ZCCHC2: variants seen among roughly 807,000 people sequenced by gnomAD.
The protein encoded by ZCCHC2 is zinc finger CCHC domain-containing protein 2.
A neutral mutation model predicts 103.6 loss-of-function variants in ZCCHC2; 39 were observed. The observed-to-expected ratio is 0.38, with a 90% CI of 0.29 to 0.49. ZCCHC2 has a LOEUF of 0.49. Ranked by LOEUF, ZCCHC2 falls within the 20% of genes least tolerant of loss-of-function variation. The probability of loss-of-function intolerance (pLI) is 0.96; values close to 1 mark genes in which losing one functional copy is unlikely to be tolerated. For synonymous variants in ZCCHC2, 687 were observed against 608.9 expected (o/e 1.13, Z -1.89); for missense variants, 1,483 against 1,491.0 (o/e 0.99, Z 0.09).
chr18:62,533,853 C>G (rs901050169), intron 1 of ZCCHC2, among the ~76,000 whole-genome samples: 3 of 72,922 alleles, frequency 4.1e-5, no homozygotes, highest in African/African-American at 1.8e-4. Context: ...GCCTGGGCAA[C>G]AAGAGCAAAA....
At chr18:62,529,844 G>T (rs1351489715) in intron 1 of ZCCHC2, among the ~76,000 whole-genome samples, 1 of 152,136 alleles carries the variant, frequency 6.6e-6, no homozygotes, top group African/African-American at 2.4e-5. Context: ...TACATCCGGG[G>T]ATTCAACCAA....
chr18:62,533,173 A>G (rs1248490708), intron 1 of ZCCHC2, among the ~76,000 whole-genome samples: 1 of 152,202 alleles, frequency 6.6e-6, no homozygotes, highest in Non-Finnish European at 1.5e-5. Context: ...TCAGTGTTGT[A>G]TATATCATCA....
chr18:62,542,692 A>T (rs1178303046), intron 3 of ZCCHC2, 118 bp downstream of exon 3: 1 of 861,552 alleles, frequency 1.2e-6, no homozygotes, highest in Non-Finnish European at 1.8e-6. Context: ...TTTAATTAAG[A>T]GAATGTACTG....
At chr18:62,564,375 T>C (rs1163352453) in intron 9 of ZCCHC2, among the ~76,000 whole-genome samples, 196 bp from the exon 10 acceptor site, 2 of 152,144 alleles carry the variant, frequency 1.3e-5, no homozygotes, top group Non-Finnish European at 2.9e-5. Context: ...ACTGTATTAA[T>C]CATGAGGAAA....
chr18:62,570,013 TA>T (rs1916529558), intron 11 of ZCCHC2, 89 bp from the exon 12 acceptor site: 9 of 1,313,480 alleles, frequency 6.9e-6, no homozygotes, highest in Non-Finnish European at 9.2e-6. Context: ...CTGAAGAAAA[TA>T]TAGCTAAAAT....
At position 62,577,370 on chromosome 18, in the gene ZCCHC2, C is replaced by A. The variant is rs1916890859; in HGVS notation, c.*791C>A. On this transcript the variant is annotated 3_prime_UTR_variant, in exon 14 of 14. Transcript: ENST00000269499. ...TTTTTAGCCTGTTGCTTCAGAGAGA[C>A]ACAAAGTGAACACACTGGTGTGAAT... The A allele has an allele frequency of 2.0e-5, 3 of 152,184 alleles. No individual in the cohort carries two copies. Among genetic ancestry groups the A allele is most frequent in the Admixed American group, 6.5e-5 (1 of 15,280 alleles). 9.4% of individuals were successfully genotyped at this position (152,184 alleles called of 1,614,324 possible).
At chr18:62,528,696 G>C (rs1286892007) in intron 1 of ZCCHC2, among the ~76,000 whole-genome samples, 1 of 152,090 alleles carries the variant, frequency 6.6e-6, no homozygotes, top group African/African-American at 2.4e-5. Flanking sequence ...CGCAATATAG[G>C]AAACATACTG....
At position 62,574,333 on chromosome 18, in the gene ZCCHC2, T is replaced by C. The variant is rs770208198; in HGVS notation, c.2252T>C (p.Leu751Pro). 6 of 1,613,946 alleles carry C rather than the reference T, an allele frequency of 3.7e-6. No homozygotes were observed. The highest frequency in any genetic ancestry group is 4.5e-5 in the East Asian group (2 of 44,906). ...KPADGKTIGM[L>P]VPSPVAISAI... ...GCTGATGGCAAAACCATAGGGATGCTTGTTCCTAGTCCTGTTGCTATTTCT... is the reference window on the plus strand; with the variant it reads ...GCTGATGGCAAAACCATAGGGATGCCTGTTCCTAGTCCTGTTGCTATTTCT... Residue 751 changes from leucine to proline, a missense_variant, in exon 13 of 14, where the codon CTT (leucine) becomes CCT (proline). Coordinates refer to ENST00000269499, the MANE Select transcript of ZCCHC2 (RefSeq NM_017742.6).
chr18:62,549,535 A>G (rs1387069711), intron 4 of ZCCHC2, among the ~76,000 whole-genome samples: 1 of 152,250 alleles, frequency 6.6e-6, no homozygotes, highest in African/African-American at 2.4e-5. Flanking sequence ...GATATTGTTA[A>G]TGGTTCTACT....
Position 62,523,822 on chromosome 18 carries a change from G to A in ZCCHC2, c.398G>A (p.Cys133Tyr). 1 of 1,544,498 alleles carries A rather than the reference G, an allele frequency of 6.5e-7. No homozygotes were observed. Among genetic ancestry groups the A allele is most frequent in the South Asian group, 1.2e-5 (1 of 83,942 alleles). Residue 133 changes from cysteine to tyrosine, a missense_variant, in exon 1 of 14, where the codon TGC (cysteine) becomes TAC (tyrosine). By Grantham distance (194) the Cys-to-Tyr change is radical. Around this residue, in one of 3 missense-constraint regions of ZCCHC2, gnomAD observed 568 missense variants for 525.1 expected, o/e 1.08. Transcript: ENST00000269499. The part of the protein sequence containing the change: ...NPLELRFLGS[C>Y]LEDLARKDYH... ...CTGGAGCTGCGCTTCCTTGGCTCGT[G>A]CCTGGAGGACCTGGCGCGCAAGGAC...
rs1180628797 is a variant in ZCCHC2, at chr18:62,574,598, G to A, written c.2517G>A (p.Leu839=). 3 of 1,613,960 alleles carry A rather than the reference G, an allele frequency of 1.9e-6. No homozygotes were observed. In the East Asian group the frequency reaches 6.7e-5, roughly 36 times the overall value. The change falls in exon 13 of 14, where the codon CTG becomes CTA. Residue 839 remains leucine (L), a synonymous_variant. Transcript: ENST00000269499. ...VNIPQQPPGS[L]SIASPNTAFI... ...TCCCACAACAACCACCCGGAAGCCT[G>A]AGCATCGCATCACCAAACACTGCCT...
intron 1 of ZCCHC2, among the ~76,000 whole-genome samples, chr18:62,538,253 C>T: frequency 1.1e-5 from 1 of 91,858 alleles, no homozygotes; most frequent in Non-Finnish European, 2.1e-5. Context: ...AGAGAGAGAC[C>T]CTGTCTCAAA....
intron 2 of ZCCHC2, among the ~76,000 whole-genome samples, chr18:62,541,734 T>G (rs2145497227): frequency 6.6e-6 from 1 of 152,338 alleles, no homozygotes; most frequent in Non-Finnish European, 1.5e-5. Flanking sequence ...GTAGATTGGC[T>G]CTTTTGAAAT....
intron 4 of ZCCHC2, among the ~76,000 whole-genome samples, chr18:62,545,123 C>T (rs1915356906): frequency 1.3e-5 from 2 of 152,074 alleles, no homozygotes; most frequent in South Asian, 4.1e-4. Context: ...CGGTGGTGTG[C>T]ACCTGTGATC....
chr18:62,553,156 ATGTGTGTG>A (rs142422088), intron 5 of ZCCHC2, among the ~76,000 whole-genome samples: 9,015 of 139,790 alleles, frequency 0.064, 351 homozygotes, highest in South Asian at 0.093. Context: ...CCTTAGATTT[ATGTGTGTG>A]TGTGTGTGTG....
chr18:62,543,776 T>C (rs1915300841), intron 3 of ZCCHC2, among the ~76,000 whole-genome samples: 1 of 152,222 alleles, frequency 6.6e-6, no homozygotes, highest in Admixed American at 6.5e-5. Context: ...AATTCTTATA[T>C]ATTCACTTGG....
downstream of ZCCHC2, among the ~76,000 whole-genome samples, chr18:62,582,797 G>A (rs1252797558): frequency 4.0e-5 from 6 of 151,390 alleles, no homozygotes; most frequent in African/African-American, 1.5e-4. Flanking sequence ...CAGGGAGATT[G>A]TAATACTATT....
intron 2 of ZCCHC2, among the ~76,000 whole-genome samples, chr18:62,541,682 T>A (rs1000716705): frequency 2.6e-5 from 4 of 152,222 alleles, no homozygotes; most frequent in African/African-American, 7.2e-5. Flanking sequence ...GTTCATACCC[T>A]GAACAGCAGT....
chr18:62,586,604 A>C (rs568056170), exon 15 of ZCCHC2: 20 of 152,220 alleles, frequency 1.3e-4, no homozygotes, highest in Admixed American at 9.8e-4. Flanking sequence ...CCCACCACCG[A>C]CAAGCTAAGA....
Sources: gnomAD v4.1 joint callset for allele counts (sites outside exome capture counted in the v4.1 genomes callset) on GRCh38, gnomAD v4.1.1 for gene constraint, gnomAD v4.1.1 regional missense constraint, MANE v1.5 for transcripts, NCBI Gene and HGNC (gene_info 2026-07-23, HGNC 2026-07-21) for gene names.